The following CIMIP6 variants were observed in gnomAD, a reference collection of about 807,000 sequenced individuals.
CIMIP6 encodes the protein uncharacterized protein C2orf73.
the CIMIP6 span, among the ~76,000 whole-genome samples, chr2:54,375,368 A>G: frequency 6.6e-6 from 1 of 152,264 alleles, no homozygotes; most frequent in African/African-American, 2.4e-5. Flanking sequence ...CAATTCACAG[A>G]AGAAATACAG....
At chr2:54,371,375 G>C in the CIMIP6 span, among the ~76,000 whole-genome samples, 3 of 152,198 alleles carry the variant, frequency 2.0e-5, no homozygotes, top group Admixed American at 6.5e-5. Context: ...GTCTTTAGGG[G>C]GAAGGCAGGC....
the CIMIP6 span, among the ~76,000 whole-genome samples, chr2:54,357,386 T>C: frequency 6.6e-6 from 1 of 152,168 alleles, no homozygotes; most frequent in Non-Finnish European, 1.5e-5. Flanking sequence ...TAAATTTTAT[T>C]TTTTAACAGT....
chr2:54,360,633 A>G, the CIMIP6 span: 7 of 1,381,568 alleles, frequency 5.1e-6, no homozygotes, highest in South Asian at 1.2e-4. Flanking sequence ...CTTGGCCCTC[A>G]CATTTACTTT....
the CIMIP6 span, among the ~76,000 whole-genome samples, chr2:54,372,270 C>A: frequency 5.3e-5 from 8 of 152,302 alleles, no homozygotes; most frequent in African/African-American, 1.9e-4. Context: ...GATATTATGA[C>A]GCAGGAAATG....
At chr2:54,360,702 C>A in the CIMIP6 span, 8 of 903,476 alleles carry the variant, frequency 8.9e-6, no homozygotes, top group Admixed American at 2.5e-4. Flanking sequence ...AGAAAAAAGA[C>A]AATTAAAATA....
chr2:54,380,401 C>G, the CIMIP6 span, among the ~76,000 whole-genome samples: 2 of 152,174 alleles, frequency 1.3e-5, no homozygotes, highest in African/African-American at 4.8e-5. Flanking sequence ...ATCCCCCAAC[C>G]CCCCTGCACT....
chr2:54,352,034 A>G, the CIMIP6 span, among the ~76,000 whole-genome samples: 2 of 152,120 alleles, frequency 1.3e-5, no homozygotes, highest in African/African-American at 2.4e-5. Flanking sequence ...AATCTAATAA[A>G]CTCAGATATC....
chr2:54,337,336 T>C, the CIMIP6 span, among the ~76,000 whole-genome samples: 2 of 152,218 alleles, frequency 1.3e-5, no homozygotes. Flanking sequence ...CTAAACCCCT[T>C]TAAGGGCCAT....
the CIMIP6 span, among the ~76,000 whole-genome samples, chr2:54,359,930 A>T: frequency 2.6e-5 from 4 of 152,348 alleles, no homozygotes; most frequent in Admixed American, 6.5e-5. Flanking sequence ...TCCAAATGAT[A>T]AAAAAGTTGA....
the CIMIP6 span, chr2:54,343,702 C>A: frequency 6.4e-7 from 1 of 1,551,510 alleles, no homozygotes; most frequent in Non-Finnish European, 8.7e-7. Flanking sequence ...ATTGTGTTTC[C>A]AATTATTTTC....
chr2:54,347,364 G>A, the CIMIP6 span, among the ~76,000 whole-genome samples: 4 of 152,164 alleles, frequency 2.6e-5, no homozygotes, highest in African/African-American at 9.7e-5. Flanking sequence ...GTTTGTACAA[G>A]AAACACAAAG....
the CIMIP6 span, among the ~76,000 whole-genome samples, chr2:54,355,748 T>C: frequency 2.6e-5 from 4 of 152,338 alleles, no homozygotes; most frequent in South Asian, 8.3e-4. Context: ...ATTTTTTATT[T>C]CTAACATTTT....
the CIMIP6 span, among the ~76,000 whole-genome samples, chr2:54,340,300 T>TGGC: frequency 3.4e-5 from 5 of 148,754 alleles, 1 homozygote; most frequent in African/African-American, 4.9e-5. Context: ...ATAACTGTGT[T>TGGC]AACCCCCCAC....
At chr2:54,332,708 A>G in the CIMIP6 span, among the ~76,000 whole-genome samples, 4 of 152,218 alleles carry the variant, frequency 2.6e-5, no homozygotes, top group East Asian at 1.9e-4. Flanking sequence ...TATATAACAA[A>G]TAGCCCCAGT....
At chr2:54,338,151 TG>T in the CIMIP6 span, among the ~76,000 whole-genome samples, 1 of 151,706 alleles carries the variant, frequency 6.6e-6, no homozygotes, top group African/African-American at 2.4e-5. Flanking sequence ...GAAATAAAAT[TG>T]GCTGGGCACA....
the CIMIP6 span, chr2:54,335,040 A>G: frequency 1.9e-6 from 3 of 1,559,162 alleles, no homozygotes; most frequent in African/African-American, 1.4e-5. Flanking sequence ...ACAGATGTTC[A>G]TTGTATACAA....
the CIMIP6 span, among the ~76,000 whole-genome samples, chr2:54,364,089 G>A: frequency 6.6e-6 from 1 of 152,190 alleles, no homozygotes; most frequent in Non-Finnish European, 1.5e-5. Context: ...TCCATTGTGT[G>A]GGAAATCTGT....
At chr2:54,348,263 C>A in the CIMIP6 span, among the ~76,000 whole-genome samples, 5 of 152,144 alleles carry the variant, frequency 3.3e-5, no homozygotes, top group Non-Finnish European at 7.3e-5. Context: ...AGAAACAACA[C>A]GTAAAGTGCC....
the CIMIP6 span, among the ~76,000 whole-genome samples, chr2:54,363,991 T>A: frequency 6.6e-6 from 1 of 152,210 alleles, no homozygotes; most frequent in East Asian, 1.9e-4. Context: ...TGGTTCTCAA[T>A]CTTTTCAAAC....
Sources: gnomAD v4.1 joint callset for allele counts (sites outside exome capture counted in the v4.1 genomes callset) on GRCh38, gnomAD v4.1.1 for gene constraint, MANE v1.5 for transcripts, NCBI Gene and HGNC (gene_info 2026-07-23, HGNC 2026-07-21) for gene names.